MCF2L: variants seen among roughly 807,000 people sequenced by gnomAD.
The protein encoded by MCF2L is guanine nucleotide exchange factor DBS.
In MCF2L, 97 loss-of-function variants were observed where a neutral mutation model predicts 153.4. The observed-to-expected ratio is 0.63, with a 90% confidence interval of 0.54 to 0.75. The LOEUF (loss-of-function observed/expected upper bound fraction) is 0.75. Ranked by LOEUF, MCF2L falls within the 30% of genes least tolerant of loss-of-function variation. MCF2L has a pLI of 0.00. For synonymous variants in MCF2L, 659 were observed against 632.2 expected, an observed-to-expected ratio of 1.04 and a Z score of -0.64; for missense variants, 1,347 against 1,495.2, an observed-to-expected ratio of 0.90 and a Z score of 1.64.
At chr13:113,086,743 G>GT (rs11374321) in intron 21 of MCF2L, among the ~76,000 whole-genome samples, 9,734 of 149,284 alleles carry the variant, frequency 0.065, 383 homozygotes, top group East Asian at 0.17. Flanking sequence ...ATTCTCAGGT[G>GT]TTTTTTTTTT....
Position 113,087,240 on chromosome 13 carries a change from T to C in MCF2L, c.2379T>C (p.Asn793=), listed in dbSNP as rs2034722320. The change falls in exon 22 of 30, where the codon AAT becomes AAC. Residue 793 remains asparagine, a synonymous_variant. Transcript: ENST00000535094. ...HLIAITGYDG[N]LGDLGKLLMQ... Reference sequence around the variant, plus strand: ...CCCTGCTGTCGCACATTTAGGGGAATCTCGGCGACCTGGGCAAGCTGCTGA... The same window carrying C: ...CCCTGCTGTCGCACATTTAGGGGAACCTCGGCGACCTGGGCAAGCTGCTGA... 1.9e-6 allele frequency: 3 copies of C among 1,610,922 alleles called. No homozygotes were observed. In the African/African-American group the frequency reaches 4.0e-5, roughly 22 times the overall value.
chr13:113,078,498 G>T, intron 14 of MCF2L, 62 bp downstream of exon 14: 1 of 1,488,938 alleles, frequency 6.7e-7, no homozygotes, highest in Admixed American at 1.8e-5. Flanking sequence ...CGCTGGGCCT[G>T]GTTCTCCGTG....
intron 8 of MCF2L, among the ~76,000 whole-genome samples, chr13:113,066,995 G>C (rs1242094381): frequency 6.6e-6 from 1 of 152,262 alleles, no homozygotes; most frequent in Non-Finnish European, 1.5e-5. Flanking sequence ...GCGCATCCTT[G>C]AGGGGCTCCT....
chr13:113,078,352 C>T lies in MCF2L; in HGVS notation c.1661-11C>T. 8 of 1,612,004 alleles carry T rather than the reference C, an allele frequency of 5.0e-6. No homozygotes were observed. The highest frequency in any genetic ancestry group is 6.8e-6 in the Non-Finnish European group (8 of 1,178,728). Reference sequence around the variant, plus strand: ...GGGGACTTCATGCCCCGCTCCCCTTCTTCCCAACAGGCATTCGGCGAGGCT... The same window carrying T: ...GGGGACTTCATGCCCCGCTCCCCTTTTTCCCAACAGGCATTCGGCGAGGCT... On this transcript the variant is annotated splice_polypyrimidine_tract_variant and intron_variant, in intron 13 of 29. Transcript: ENST00000535094.
rs35155188 is a variant in MCF2L, at chr13:113,078,695, C to T, written c.1764C>T (p.Arg588=). Residue 588 remains arginine (R), a synonymous_variant, in exon 15 of 30, where the codon CGC becomes CGT. Transcript: ENST00000535094. ...AGATGAGTGAGAGCCGGCAGGGCCG[C>T]GGCTCAGCGGGGGAGGAGGAGGAAA... is the stretch of plus-strand genomic sequence containing the variant. ...KSEMSESRQG[R]GSAGEEEESL... is the part of the protein sequence containing the mutation. 0.09 allele frequency: 145,711 copies of T among 1,610,744 alleles called. 6,703 individuals are homozygous for T. The highest frequency in any genetic ancestry group is 0.13 in the Middle Eastern group (773 of 6,060).
At chr13:112,933,064 A>C (rs986197633) in intron 2 of MCF2L, among the ~76,000 whole-genome samples, 2 of 152,282 alleles carry the variant, frequency 1.3e-5, no homozygotes, top group African/African-American at 4.8e-5. Flanking sequence ...ATAAACATGA[A>C]GGAAGGAAGG....
At position 113,044,988 on chromosome 13, in the gene MCF2L, G is replaced by A. The variant is rs564469063; in HGVS notation, c.279-283G>A. On this transcript the variant is annotated intron_variant, in intron 3 of 29. Transcript: ENST00000535094. Reference sequence around the variant, plus strand: ...TGTGGAATAGCAAATGACTGAGCTCGGGAGAGATGGTTCTGCCTCAATCTG... The same window carrying A: ...TGTGGAATAGCAAATGACTGAGCTCAGGAGAGATGGTTCTGCCTCAATCTG... The A allele has an allele frequency of 7.8e-4, 1,141 of 1,458,678 alleles. 6 individuals are homozygous for A. The African/African-American group carries it at 0.014, about 18-fold the overall frequency. The allele number at this position is 1,458,678 out of a possible 1,614,324, so 90.4% of individuals were successfully genotyped here.
intron 2 of MCF2L, among the ~76,000 whole-genome samples, chr13:113,022,764 G>T (rs979331843): frequency 1.3e-5 from 2 of 152,238 alleles, no homozygotes; most frequent in African/African-American, 4.8e-5. Context: ...GGGGCTTTGA[G>T]CCCCCACCGC....
At chr13:113,015,025 C>T (rs1263315566) in intron 2 of MCF2L, among the ~76,000 whole-genome samples, 179 bp downstream of exon 2, 1 of 152,218 alleles carries the variant, frequency 6.6e-6, no homozygotes, top group African/African-American at 2.4e-5. Context: ...AAGTGGGCAG[C>T]TCCATGCCAG....
intron 9 of MCF2L, among the ~76,000 whole-genome samples, chr13:113,072,898 C>A (rs901535608): frequency 1.3e-4 from 20 of 152,086 alleles, no homozygotes; most frequent in African/African-American, 4.8e-4. Context: ...AACTTACATT[C>A]TTTATTTGAG....
intron 1 of MCF2L, among the ~76,000 whole-genome samples, chr13:112,897,945 A>G (rs2081082985): frequency 6.6e-6 from 1 of 152,156 alleles, no homozygotes; most frequent in African/African-American, 2.4e-5. Context: ...AGCATCAGAG[A>G]CAGCCCTGGA....
rs531378297 is a variant in MCF2L, at chr13:112,897,597, A to G, written c.-5+3166A>G. Among the ~76,000 whole-genome samples the G allele has an allele frequency of 1.3e-4, 20 of 152,374 alleles. No individual in the cohort carries two copies. In the East Asian group the frequency reaches 2.1e-3, roughly 16 times the overall value. The stretch of plus-strand genomic sequence containing the variant: ...CCCACCTGTTGAGAAAGTGAAGAGC[A>G]TTACTGACATTTCCATCATGATGTA... On this transcript the variant is annotated intron_variant, in intron 1 of 29. Transcript: ENST00000375608.
chr13:112,946,787 A>G (rs1397136624), intron 2 of MCF2L, among the ~76,000 whole-genome samples: 2 of 152,192 alleles, frequency 1.3e-5, no homozygotes, highest in Non-Finnish European at 2.9e-5. Context: ...CCCACAAAAG[A>G]CTTCATCCCA....
At chr13:112,947,335 A>G (rs1157260715) in intron 2 of MCF2L, among the ~76,000 whole-genome samples, 2 of 152,178 alleles carry the variant, frequency 1.3e-5, no homozygotes, top group African/African-American at 2.4e-5. Flanking sequence ...TTCCATCTCA[A>G]TACCCCAAAA....
chr13:113,034,343 C>T (rs1308782526), intron 3 of MCF2L, among the ~76,000 whole-genome samples: 2 of 152,070 alleles, frequency 1.3e-5, no homozygotes, highest in Non-Finnish European at 2.9e-5. Flanking sequence ...CACCATGTTG[C>T]CCAGGTTGGT....
intron 1 of MCF2L, among the ~76,000 whole-genome samples, chr13:112,901,433 C>A (rs2081118486): frequency 1.3e-5 from 2 of 152,172 alleles, no homozygotes; most frequent in Admixed American, 1.3e-4. Flanking sequence ...GGATTACAGG[C>A]GTGAGCCACA....
chr13:112,902,453 T>G, intron 2 of MCF2L: 1 of 1,372,734 alleles, frequency 7.3e-7, no homozygotes, highest in Non-Finnish European at 9.8e-7. Flanking sequence ...GCTATTCCGG[T>G]CCTTTTAGAG....
chr13:113,065,121 G>T (rs770895231), intron 7 of MCF2L, 36 bp downstream of exon 7: 7 of 1,594,812 alleles, frequency 4.4e-6, no homozygotes, highest in Non-Finnish European at 6.0e-6. Context: ...AGCTGTGGGG[G>T]GCTCCGGTCA....
At chr13:113,086,318 C>A in intron 21 of MCF2L, 69 bp downstream of exon 21, 2 of 1,583,178 alleles carry the variant, frequency 1.3e-6, no homozygotes, top group Non-Finnish European at 1.7e-6. Context: ...AACTTGGCGG[C>A]CTCCCTGCAC....
Sources: gnomAD v4.1 joint callset for allele counts (sites outside exome capture counted in the v4.1 genomes callset) on GRCh38, gnomAD v4.1.1 for gene constraint, MANE v1.5 for transcripts, NCBI Gene and HGNC (gene_info 2026-07-23, HGNC 2026-07-21) for gene names.